Variants in OSGIN2 observed in about 807,000 individuals in gnomAD.
OSGIN2 encodes the protein oxidative stress-induced growth inhibitor 2.
In OSGIN2, 19 loss-of-function variants were observed where a neutral mutation model predicts 53.8. The ratio of observed to expected loss-of-function variants is 0.35; its 90% CI spans 0.25 to 0.52. OSGIN2 has a LOEUF of 0.52. Ranked by LOEUF, OSGIN2 falls within the 20% of genes least tolerant of loss-of-function variation. The probability of loss-of-function intolerance (pLI) is 0.95; values close to 1 mark genes in which losing one functional copy is unlikely to be tolerated. For synonymous variants in OSGIN2, 236 were observed against 236.0 expected, an observed-to-expected ratio of 1.00 and a Z score of 0.00; for missense variants, 520 against 662.7, an observed-to-expected ratio of 0.78 and a Z score of 2.36.
chr8:89,917,818 T>G (rs1341699955), intron 4 of OSGIN2, among the ~76,000 whole-genome samples: 4 of 152,196 alleles, frequency 2.6e-5, no homozygotes, highest in Non-Finnish European at 5.9e-5. Context: ...ATATTACTAC[T>G]AAGGCTCACC....
intron 2 of OSGIN2, among the ~76,000 whole-genome samples, chr8:89,912,584 A>G (rs1007995408): frequency 9.9e-5 from 15 of 151,968 alleles, no homozygotes; most frequent in African/African-American, 3.6e-4. Context: ...CGTCTCTACT[A>G]AAAATACAAA....
intron 5 of OSGIN2, among the ~76,000 whole-genome samples, chr8:89,921,647 TA>T (rs1809206685): frequency 6.6e-6 from 1 of 152,154 alleles, no homozygotes; most frequent in African/African-American, 2.4e-5. Flanking sequence ...TATGGTTGGC[TA>T]ATTGGGTATG....
chr8:89,914,099 C>T lies in OSGIN2; in HGVS notation c.222C>T (p.Cys74=). 5 of 1,610,926 alleles carry T rather than the reference C, an allele frequency of 3.1e-6. No homozygotes were observed. The highest frequency in any genetic ancestry group is 1.3e-5 in the African/African-American group (1 of 74,900). ...TAGGAAATGGACCCTCAGGAATATG[C>T]CTTTCTTATATGTTATCAGGCTACA... is the stretch of plus-strand genomic sequence containing the variant. The part of the protein sequence containing the change: ...VIIGNGPSGI[C]LSYMLSGYRP... Residue 74 remains cysteine (C), a synonymous_variant, in exon 3 of 6, where the codon TGC becomes TGT. Transcript: ENST00000451899.
intron 1 of OSGIN2, among the ~76,000 whole-genome samples, chr8:89,906,819 T>C (rs1016804433): frequency 2.0e-5 from 3 of 152,208 alleles, no homozygotes; most frequent in African/African-American, 7.2e-5. Context: ...CTGGGTGGAA[T>C]GGTATTTCTA....
chr8:89,917,648 A>C (rs572939651), intron 4 of OSGIN2, among the ~76,000 whole-genome samples: 2 of 152,134 alleles, frequency 1.3e-5, no homozygotes, highest in Non-Finnish European at 2.9e-5. Context: ...TCAAACCTTT[A>C]TCTCTTTTTT....
chr8:89,923,171 T>C (rs1257815147), intron 5 of OSGIN2, among the ~76,000 whole-genome samples: 2 of 152,086 alleles, frequency 1.3e-5, no homozygotes, highest in Admixed American at 6.5e-5. Flanking sequence ...ACACTTAGGG[T>C]ACACTGAATT....
At position 89,925,583 on chromosome 8, in the gene OSGIN2, A is replaced by G. The variant is rs1301400317; in HGVS notation, c.*51A>G. On this transcript the variant is annotated 3_prime_UTR_variant, in exon 6 of 6. Coordinates refer to ENST00000451899, the MANE Select transcript of OSGIN2 (RefSeq NM_001126111.3). ...GACAGTTTGCCATTAAAGATTTTTA[A>G]TAGTGGTTTTGCAGTGTACTGGCTT... The G allele has an allele frequency of 1.4e-6, 2 of 1,468,222 alleles. No individual in the cohort carries two copies. The highest frequency in any genetic ancestry group is 1.2e-5 in the South Asian group (1 of 81,022). The allele number at this position is 1,468,222 out of a possible 1,614,324, so 90.9% of individuals were successfully genotyped here. A position where few individuals can be genotyped will look rare whatever the true frequency, so the allele number is the denominator to read the frequency against.
At chr8:89,906,079 T>C (rs928516283) in intron 1 of OSGIN2, among the ~76,000 whole-genome samples, 8 of 152,222 alleles carry the variant, frequency 5.3e-5, no homozygotes, top group Non-Finnish European at 7.3e-5. Context: ...AAAAACTTAA[T>C]ATTCTGTTTT....
In OSGIN2 at chr8:89,924,842, A is replaced by G. The variant is rs77518049; in HGVS notation, c.960A>G (p.Glu320=). ...CTGCCCATCTGGAAATTGAAGGGGA[A>G]GATTTTCCTTTTGTGTTTCATTCAA... The part of the protein sequence containing the change: ...DSPAHLEIEG[E]DFPFVFHSMP... The change falls in exon 6 of 6, where the codon GAA becomes GAG. Residue 320 remains glutamate, a synonymous_variant. Transcript: ENST00000451899. 4,312 of 1,614,198 alleles carry G rather than the reference A, an allele frequency of 2.7e-3. 14 individuals are homozygous for G. The highest frequency in any genetic ancestry group is 2.6e-3 in the Non-Finnish European group (3,014 of 1,180,014).
intron 2 of OSGIN2, 120 bp downstream of exon 2, chr8:89,909,841 T>C (rs971762120): frequency 8.3e-6 from 5 of 605,978 alleles, no homozygotes; most frequent in Admixed American, 7.7e-5. Flanking sequence ...TGGTTTGATA[T>C]GCTAAAAAAC....
chr8:89,923,534 T>C (rs1047231994), intron 5 of OSGIN2, among the ~76,000 whole-genome samples: 1 of 152,218 alleles, frequency 6.6e-6, no homozygotes. Context: ...AACTGTTCTG[T>C]TTTTCACTTT....
At chr8:89,911,045 A>G (rs973091051) in intron 2 of OSGIN2, among the ~76,000 whole-genome samples, 7 of 152,246 alleles carry the variant, frequency 4.6e-5, no homozygotes, top group African/African-American at 1.7e-4. Flanking sequence ...TTCCTGGGCC[A>G]AAATCAAGGT....
chr8:89,925,566 G>T lies in OSGIN2; in HGVS notation c.*34G>T, dbSNP rs1399374580. The T allele has an allele frequency of 1.3e-6, 2 of 1,548,158 alleles. No homozygotes were observed. The highest frequency in any genetic ancestry group is 3.6e-5 in the Admixed American group (2 of 55,346). On this transcript the variant is annotated 3_prime_UTR_variant, in exon 6 of 6. Transcript: ENST00000451899. ...TACAAGTAATTAAAATGGACAGTTT[G>T]CCATTAAAGATTTTTAATAGTGGTT... is the stretch of plus-strand genomic sequence containing the variant.
chr8:89,915,737 G>A (rs1455917296), intron 4 of OSGIN2, among the ~76,000 whole-genome samples: 1 of 152,068 alleles, frequency 6.6e-6, no homozygotes, highest in Non-Finnish European at 1.5e-5. Flanking sequence ...TACAAACTTC[G>A]GTTGGCTGTT....
intron 1 of OSGIN2, among the ~76,000 whole-genome samples, chr8:89,905,832 T>C (rs1563462158): frequency 1.3e-5 from 2 of 152,208 alleles, no homozygotes; most frequent in South Asian, 4.1e-4. Flanking sequence ...ATATATAAAT[T>C]CAACGGTGTT....
In OSGIN2 at chr8:89,924,880, G is replaced by A. The variant is rs1490174454; in HGVS notation, c.998G>A (p.Gly333Glu). The change falls in exon 6 of 6, where the codon GGA becomes GAA. Residue 333 changes from glycine (G) to glutamate (E), a missense_variant. Transcript: ENST00000451899. ...PFVFHSMPEF[G>E]AAINKGKLRG... Reference sequence around the variant, plus strand: ...GTGTTTCATTCAATGCCTGAATTTGGAGCTGCTATAAACAAAGGAAAGTTG... The same window carrying A: ...GTGTTTCATTCAATGCCTGAATTTGAAGCTGCTATAAACAAAGGAAAGTTG... 10 of 1,614,146 alleles carry A rather than the reference G, an allele frequency of 6.2e-6. No homozygotes were observed. The highest frequency in any genetic ancestry group is 8.5e-6 in the Non-Finnish European group (10 of 1,180,008).
At chr8:89,909,082 A>C (rs1210974151) in intron 1 of OSGIN2, among the ~76,000 whole-genome samples, 1 of 143,374 alleles carries the variant, frequency 7.0e-6, no homozygotes. Context: ...TATGTAGTAT[A>C]TTTTTTGAAT....
Position 89,914,545 on chromosome 8 carries a change from G to A in OSGIN2, c.337-10G>A, listed in dbSNP as rs1367598750. On this transcript the variant is annotated splice_polypyrimidine_tract_variant and intron_variant, in intron 3 of 5. Coordinates refer to ENST00000451899, the MANE Select transcript of OSGIN2 (RefSeq NM_001126111.3). ...TTTTTTCAAACTCTGTCTCCCTTTT[G>A]TTCATTCAGGACTTAGAATACTTGT... 3 of 1,607,780 alleles carry A rather than the reference G, an allele frequency of 1.9e-6. No homozygotes were observed. The highest frequency in any genetic ancestry group is 2.6e-6 in the Non-Finnish European group (3 of 1,175,598).
chr8:89,914,234 A>G (rs756199362), intron 3 of OSGIN2, 21 bp downstream of exon 3: 24 of 1,549,092 alleles, frequency 1.5e-5, no homozygotes, highest in Non-Finnish European at 1.9e-5. Flanking sequence ...TTACATGTCA[A>G]TTTAAAAAAT....
Sources: gnomAD v4.1 joint callset for allele counts (sites outside exome capture counted in the v4.1 genomes callset) on GRCh38, gnomAD v4.1.1 for gene constraint, MANE v1.5 for transcripts, NCBI Gene and HGNC (gene_info 2026-07-23, HGNC 2026-07-21) for gene names.